The following SLIT3 variants were observed in gnomAD, a reference collection of about 807,000 sequenced individuals.
SLIT3 encodes the protein slit homolog 3 protein.
In SLIT3, 68 loss-of-function variants were observed where a neutral mutation model predicts 184.0. The ratio of observed to expected loss-of-function variants is 0.37; its 90% CI spans 0.30 to 0.45. The LOEUF is 0.45. Ranked by LOEUF, SLIT3 falls within the 20% of genes least tolerant of loss-of-function variation. The probability of loss-of-function intolerance (pLI) is 1.00; values close to 1 mark genes in which losing one functional copy is unlikely to be tolerated. For missense variants in SLIT3, 1,707 were observed against 2,026.0 expected (o/e 0.84, Z 3.02); for synonymous variants, 831 against 828.6 (o/e 1.00, Z -0.05).
At chr5:169,272,421 C>T (rs1766658347) in intron 1 of SLIT3, among the ~76,000 whole-genome samples, 1 of 152,188 alleles carries the variant, frequency 6.6e-6, no homozygotes, top group South Asian at 2.1e-4. Context: ...ACCTGTCTGG[C>T]CCAGGTAGGT....
chr5:168,983,869 ACAT>A (rs1251087417), intron 4 of SLIT3, among the ~76,000 whole-genome samples: 1 of 152,134 alleles, frequency 6.6e-6, no homozygotes, highest in African/African-American at 2.4e-5. Flanking sequence ...TGACATTAAG[ACAT>A]CATTACTATC....
chr5:168,934,258 G>A (rs1762083323), intron 4 of SLIT3, among the ~76,000 whole-genome samples: 1 of 152,200 alleles, frequency 6.6e-6, no homozygotes, highest in African/African-American at 2.4e-5. Context: ...ATCTTCCTGA[G>A]GGAAGAGACT....
intron 16 of SLIT3, among the ~76,000 whole-genome samples, chr5:168,755,951 C>A (rs939501872): frequency 6.6e-6 from 1 of 152,178 alleles, no homozygotes; most frequent in South Asian, 2.1e-4. Flanking sequence ...CATCCCTGGC[C>A]AGATGGATGA....
intron 4 of SLIT3, among the ~76,000 whole-genome samples, chr5:169,035,878 C>CG (rs1486104515): frequency 1.3e-5 from 2 of 152,048 alleles, no homozygotes; most frequent in African/African-American, 4.8e-5. Context: ...CAGTTAATAT[C>CG]GTAGAGTCTT....
At chr5:168,702,077 G>A (rs1034790396) in intron 26 of SLIT3, among the ~76,000 whole-genome samples, 4 of 152,248 alleles carry the variant, frequency 2.6e-5, no homozygotes, top group African/African-American at 9.6e-5. Flanking sequence ...GCCAGTCAGA[G>A]GTTTCTTGGA....
At chr5:168,911,664 G>A (rs577876621) in intron 4 of SLIT3, among the ~76,000 whole-genome samples, 2 of 152,246 alleles carry the variant, frequency 1.3e-5, no homozygotes, top group South Asian at 2.1e-4. Flanking sequence ...GAAGGTTTAC[G>A]ATTAGATGGC....
At chr5:168,799,165 G>C (rs527982799) in intron 9 of SLIT3, among the ~76,000 whole-genome samples, 42 of 152,284 alleles carry the variant, frequency 2.8e-4, no homozygotes, top group African/African-American at 1.0e-3. Context: ...AGGTACTCCT[G>C]GAAGTCTTTG....
intron 3 of SLIT3, among the ~76,000 whole-genome samples, chr5:169,211,353 G>A (rs62376892): frequency 0.14 from 21,829 of 152,100 alleles, 1,918 homozygotes; most frequent in East Asian, 0.44. Flanking sequence ...TAGAGTGAAC[G>A]TTTTAAAACC....
At chr5:168,952,158 G>A (rs921755887) in intron 4 of SLIT3, among the ~76,000 whole-genome samples, 27 of 152,292 alleles carry the variant, frequency 1.8e-4, no homozygotes, top group African/African-American at 6.0e-4. Context: ...TCATGGGGCC[G>A]CCTGTAATAT....
intron 4 of SLIT3, among the ~76,000 whole-genome samples, chr5:168,981,164 C>T (rs572970239): frequency 2.8e-4 from 43 of 152,212 alleles, no homozygotes; most frequent in East Asian, 1.5e-3. Context: ...TCATTATGTG[C>T]GCAATGCTGA....
intron 4 of SLIT3, among the ~76,000 whole-genome samples, chr5:168,970,420 C>T (rs115060794): frequency 0.012 from 1,814 of 146,028 alleles, 37 homozygotes; most frequent in African/African-American, 0.043. Flanking sequence ...GCTTGAACCC[C>T]GCAGGCGGAG....
intron 4 of SLIT3, among the ~76,000 whole-genome samples, chr5:169,153,561 T>C (rs1762198174): frequency 6.6e-6 from 1 of 152,240 alleles, no homozygotes; most frequent in South Asian, 2.1e-4. Flanking sequence ...GATCCTTGGC[T>C]TTTCTTAAAT....
intron 9 of SLIT3, among the ~76,000 whole-genome samples, chr5:168,799,830 C>T (rs1485286028): frequency 6.6e-6 from 1 of 152,146 alleles, no homozygotes; most frequent in Non-Finnish European, 1.5e-5. Flanking sequence ...TTAATGTACT[C>T]ATTTTACAGA....
chr5:169,201,193 T>C (rs1213822300), intron 3 of SLIT3, among the ~76,000 whole-genome samples: 1 of 152,220 alleles, frequency 6.6e-6, no homozygotes, highest in East Asian at 1.9e-4. Flanking sequence ...AAATCAGTTA[T>C]TTTTTAGTTT....
At chr5:168,694,600 T>C (rs1479017873) in intron 28 of SLIT3, among the ~76,000 whole-genome samples, 1 of 152,120 alleles carries the variant, frequency 6.6e-6, no homozygotes, top group Non-Finnish European at 1.5e-5. Context: ...TCTGTCTCTC[T>C]CTCTTTCTTT....
intron 1 of SLIT3, among the ~76,000 whole-genome samples, chr5:169,254,959 T>C (rs1765898898): frequency 6.6e-6 from 1 of 152,218 alleles, no homozygotes; most frequent in African/African-American, 2.4e-5. Flanking sequence ...ATGTAACATA[T>C]AGCAATGTTT....
chr5:169,144,706 GC>G (rs1188340517), intron 4 of SLIT3, among the ~76,000 whole-genome samples: 2 of 152,214 alleles, frequency 1.3e-5, no homozygotes, highest in African/African-American at 4.8e-5. Context: ...CTCAGTCCAG[GC>G]CTTCGGGCTG....
chr5:168,762,582 G>A lies in SLIT3; in HGVS notation c.1567C>T (p.Leu523=), dbSNP rs756647458. ...GTIVDCSNQK[L]VRIPSHLPEY... ...GGGAGGTGGCTTGGGATGCGGACCA[G>A]CTTCTGGTTGGAGCAGTCCACAATC... Residue 523 remains leucine, a synonymous_variant, in exon 15 of 36, where the codon CTG becomes TTG. Coordinates refer to ENST00000519560, the MANE Select transcript of SLIT3 (RefSeq NM_003062.4). The A allele has an allele frequency of 6.2e-7, 1 of 1,614,118 alleles. No individual in the cohort carries two copies. The highest frequency in any genetic ancestry group is 8.5e-7 in the Non-Finnish European group (1 of 1,179,998).
chr5:168,926,396 G>A (rs1251152225), intron 4 of SLIT3, among the ~76,000 whole-genome samples: 2 of 152,302 alleles, frequency 1.3e-5, no homozygotes, highest in East Asian at 3.9e-4. Flanking sequence ...TAGAGGGACT[G>A]CAGTTTTTCG....
Sources: allele counts gnomAD v4.1 joint callset (sites outside exome capture counted in the v4.1 genomes callset), GRCh38; gene constraint gnomAD v4.1.1; transcripts MANE v1.5; gene names NCBI Gene and HGNC (gene_info 2026-07-23, HGNC 2026-07-21).